Variants in COL23A1 observed in about 807,000 individuals in gnomAD.
The protein encoded by COL23A1 is collagen alpha-1(XXIII) chain.
In COL23A1, 97 loss-of-function variants were observed where a neutral mutation model predicts 99.3. The observed-to-expected ratio is 0.98, with a 90% CI of 0.83 to 1.16. The LOEUF is 1.16. COL23A1 is among the 50% of genes most tolerant of loss of function. COL23A1 has a pLI of 0.00. For synonymous variants in COL23A1, 320 were observed against 308.2 expected (o/e 1.04, Z -0.40); for missense variants, 762 against 757.4 (o/e 1.01, Z -0.07).
chr5:178,472,161 T>A (rs1756788814), intron 2 of COL23A1, among the ~76,000 whole-genome samples: 1 of 152,126 alleles, frequency 6.6e-6, no homozygotes. Context: ...ATCCTGGGTA[T>A]TGTTTAAAAC....
At chr5:178,400,267 T>C (rs1025291813) in intron 2 of COL23A1, among the ~76,000 whole-genome samples, 3 of 144,770 alleles carry the variant, frequency 2.1e-5, no homozygotes, top group Non-Finnish European at 3.0e-5. Flanking sequence ...CTGGGGAGGC[T>C]GAGGCAGGAG....
chr5:178,322,495 C>G (rs1042384387), intron 2 of COL23A1, among the ~76,000 whole-genome samples: 3 of 152,156 alleles, frequency 2.0e-5, no homozygotes, highest in Non-Finnish European at 4.4e-5. Flanking sequence ...TCCCAAAGGC[C>G]ATTTCCCAAA....
At chr5:178,585,919 T>A (rs1354466446) in intron 1 of COL23A1, among the ~76,000 whole-genome samples, 2 of 152,210 alleles carry the variant, frequency 1.3e-5, no homozygotes, top group East Asian at 3.9e-4. Flanking sequence ...GTGACCTAGC[T>A]CTGGCTAGTG....
chr5:178,452,466 T>C (rs1242313071), intron 2 of COL23A1, among the ~76,000 whole-genome samples: 4 of 152,158 alleles, frequency 2.6e-5, no homozygotes, highest in African/African-American at 7.2e-5. Context: ...CCAGGAACCA[T>C]AAGAGAAAAG....
In COL23A1 at chr5:178,309,165, G is replaced by A. The variant is rs1453095600; in HGVS notation, c.362-2246C>T. 1.3e-5 allele frequency among the ~76,000 whole-genome samples: 2 copies of A among 152,222 alleles called. No homozygotes were observed. The highest frequency in any genetic ancestry group is 2.4e-5 in the African/African-American group (1 of 41,464). On this transcript the variant is annotated intron_variant, in intron 2 of 28. Coordinates refer to ENST00000390654, the MANE Select transcript of COL23A1 (RefSeq NM_173465.4). This position sits in a 1 kb window ranked among gnomAD's most constrained non-coding sequence, Gnocchi z 4.7. ...TAGGAAGTTCTCCGTCTGGGTAACT[G>A]AAGCCAGATGAAGACATCTGCCTGT...
intron 1 of COL23A1, among the ~76,000 whole-genome samples, chr5:178,588,618 G>A (rs192613073): frequency 9.2e-5 from 14 of 152,306 alleles, no homozygotes; most frequent in Admixed American, 9.2e-4. Flanking sequence ...GGGTAAAATA[G>A]GAAATCATTT....
chr5:178,437,867 G>A lies in COL23A1; in HGVS notation c.361+122815C>T, dbSNP rs542222550. Among the ~76,000 whole-genome samples, 54 of 152,308 alleles carry A rather than the reference G, an allele frequency of 3.5e-4. No individual in the cohort carries two copies. The East Asian group carries it at 4.6e-3, about 13-fold the overall frequency. The stretch of plus-strand genomic sequence containing the variant: ...GGACCCAGGACCCCAACCAGCAAGG[G>A]GCCTGGGGGGAGGTGGGATGTGGGG... On this transcript the variant is annotated intron_variant, in intron 2 of 28. Coordinates refer to ENST00000390654, the MANE Select transcript of COL23A1 (RefSeq NM_173465.4).
chr5:178,520,135 T>C (rs1261387924), intron 2 of COL23A1, among the ~76,000 whole-genome samples: 1 of 152,106 alleles, frequency 6.6e-6, no homozygotes, highest in Non-Finnish European at 1.5e-5. Context: ...TGGATGCATC[T>C]GAATGGTTGG....
intron 2 of COL23A1, among the ~76,000 whole-genome samples, chr5:178,542,920 G>C (rs1190394975): frequency 6.6e-6 from 1 of 152,210 alleles, no homozygotes; most frequent in Non-Finnish European, 1.5e-5. Flanking sequence ...AAATTAAAAT[G>C]TGTATCATAT....
At chr5:178,363,647 C>T (rs1429641540) in intron 2 of COL23A1, among the ~76,000 whole-genome samples, 2 of 152,190 alleles carry the variant, frequency 1.3e-5, no homozygotes, top group East Asian at 1.9e-4. Context: ...CACAGTCCCA[C>T]AGGAGCGCCC....
intron 2 of COL23A1, among the ~76,000 whole-genome samples, chr5:178,536,900 A>G (rs1403307466): frequency 6.6e-6 from 1 of 152,244 alleles, no homozygotes; most frequent in Non-Finnish European, 1.5e-5. Context: ...GGCCCTGGTG[A>G]CACCTGGGCT....
At position 178,380,577 on chromosome 5, in the gene COL23A1, G is replaced by C. The variant is rs145953014; in HGVS notation, c.362-73658C>G. Among the ~76,000 whole-genome samples, 975 of 152,256 alleles carry C rather than the reference G, an allele frequency of 6.4e-3. 9 individuals are homozygous for C. Among genetic ancestry groups the C allele is most frequent in the African/African-American group, 0.022 (922 of 41,554 alleles). ...CACTCATTATTCATTATTTTTAACA[G>C]AATGTATACATTTCTACGTGGAAAT... On this transcript the variant is annotated intron_variant, in intron 2 of 28. Coordinates refer to ENST00000390654, the MANE Select transcript of COL23A1 (RefSeq NM_173465.4).
chr5:178,465,605 G>A (rs1361091993), intron 2 of COL23A1, among the ~76,000 whole-genome samples: 5 of 152,166 alleles, frequency 3.3e-5, no homozygotes, highest in Non-Finnish European at 5.9e-5. Context: ...ATAGGAAGAG[G>A]CCCACTCTGG....
At chr5:178,358,081 T>C (rs1051276927) in intron 2 of COL23A1, among the ~76,000 whole-genome samples, 29 of 122,454 alleles carry the variant, frequency 2.4e-4, no homozygotes, top group African/African-American at 7.4e-4. Flanking sequence ...TGTATGTGTA[T>C]GTACGTGTGT....
At chr5:178,578,266 T>A (rs1763495126) in intron 1 of COL23A1, among the ~76,000 whole-genome samples, 1 of 151,964 alleles carries the variant, frequency 6.6e-6, no homozygotes, top group African/African-American at 2.4e-5. Context: ...CACACACCCA[T>A]GTACACACAC....
intron 1 of COL23A1, among the ~76,000 whole-genome samples, chr5:178,583,490 AAC>A (rs141089030): frequency 6.6e-6 from 1 of 152,124 alleles, no homozygotes; most frequent in African/African-American, 2.4e-5. Flanking sequence ...CACACACATG[AAC>A]ACACACACAC....
chr5:178,250,117 G>A lies in COL23A1; in HGVS notation c.1015-12C>T. 4 of 1,614,104 alleles carry A rather than the reference G, an allele frequency of 2.5e-6. No homozygotes were observed. The highest frequency in any genetic ancestry group is 2.5e-6 in the Non-Finnish European group (3 of 1,179,986). ...AATCCAAGCTCGCCCTGGAAGGGAA[G>A]AGATGGCAAGAGGGGTTATGCCTTC... On this transcript the variant is annotated splice_polypyrimidine_tract_variant and intron_variant, in intron 17 of 28. Transcript: ENST00000390654.
chr5:178,533,659 G>A (rs958371840), intron 2 of COL23A1, among the ~76,000 whole-genome samples: 8 of 152,080 alleles, frequency 5.3e-5, no homozygotes, highest in Admixed American at 2.6e-4. Flanking sequence ...CACCACGCCC[G>A]GCTAATTTTT....
At chr5:178,473,739 C>T (rs1359506034) in intron 2 of COL23A1, among the ~76,000 whole-genome samples, 1 of 152,174 alleles carries the variant, frequency 6.6e-6, no homozygotes, top group Admixed American at 6.5e-5. Flanking sequence ...CTTACCCTAG[C>T]GAAACCCCTG....
Sources: allele counts gnomAD v4.1 joint callset (sites outside exome capture counted in the v4.1 genomes callset), GRCh38; gene constraint gnomAD v4.1.1; non-coding constraint Gnocchi (gnomAD v3.1); transcripts MANE v1.5; gene names NCBI Gene and HGNC (gene_info 2026-07-23, HGNC 2026-07-21).